The following PPP1R12A variants were observed in gnomAD, a reference collection of about 807,000 sequenced individuals.
PPP1R12A encodes the protein protein phosphatase 1 regulatory subunit 12A.
A neutral mutation model predicts 139.6 loss-of-function variants in PPP1R12A; 19 were observed. That is an observed-to-expected ratio of 0.14 (90% CI 0.09 to 0.20). The LOEUF (loss-of-function observed/expected upper bound fraction) is 0.20. Ranked by LOEUF, PPP1R12A falls within the 10% of genes least tolerant of loss-of-function variation. The probability of loss-of-function intolerance (pLI) is 1.00; values close to 1 mark genes in which losing one functional copy is unlikely to be tolerated. For missense variants in PPP1R12A, 925 were observed against 1,211.5 expected (o/e 0.76, Z 3.51); for synonymous variants, 427 against 420.6 (o/e 1.02, Z -0.19).
At chr12:79,883,943 C>T (rs946280746) in intron 1 of PPP1R12A, among the ~76,000 whole-genome samples, 1 of 152,036 alleles carries the variant, frequency 6.6e-6, no homozygotes, top group Non-Finnish European at 1.5e-5. Context: ...TCAGACACGT[C>T]CACTGGTTTT....
chr12:79,802,314 T>C (rs1256539250), intron 14 of PPP1R12A, among the ~76,000 whole-genome samples: 1 of 152,214 alleles, frequency 6.6e-6, no homozygotes, highest in East Asian at 1.9e-4. Context: ...TATAGAAAAG[T>C]GCTCCTAAGA....
intron 19 of PPP1R12A, among the ~76,000 whole-genome samples, chr12:79,791,359 G>A (rs966732588): frequency 6.6e-6 from 1 of 152,026 alleles, no homozygotes; most frequent in East Asian, 1.9e-4. Flanking sequence ...ATGAGGTGTC[G>A]CTCTGTTTCC....
At chr12:79,885,378 C>T (rs1884010758) in intron 1 of PPP1R12A, among the ~76,000 whole-genome samples, 1 of 152,112 alleles carries the variant, frequency 6.6e-6, no homozygotes, top group African/African-American at 2.4e-5. Flanking sequence ...GCTAATTCTT[C>T]CCCATTTAAA....
chr12:79,804,893 C>T (rs537151439), intron 14 of PPP1R12A, among the ~76,000 whole-genome samples: 4 of 152,100 alleles, frequency 2.6e-5, no homozygotes, highest in Non-Finnish European at 4.4e-5. Context: ...CAGTTTCCTT[C>T]GGTAAAGCAA....
chr12:79,896,567 A>C (rs1445977833), intron 1 of PPP1R12A, among the ~76,000 whole-genome samples: 1 of 152,150 alleles, frequency 6.6e-6, no homozygotes, highest in Non-Finnish European at 1.5e-5. Flanking sequence ...TCCTGGGCTT[A>C]AGTGATGCTC....
chr12:79,922,479 T>C (rs2136949379), intron 1 of PPP1R12A, among the ~76,000 whole-genome samples: 1 of 152,260 alleles, frequency 6.6e-6, no homozygotes, highest in Admixed American at 6.5e-5. Flanking sequence ...AAAGAAAATG[T>C]AGCACATACA....
chr12:79,879,012 T>C (rs1441622844), intron 1 of PPP1R12A, among the ~76,000 whole-genome samples: 2 of 152,234 alleles, frequency 1.3e-5, no homozygotes, highest in African/African-American at 2.4e-5. Context: ...TCAAAATGTC[T>C]ACAATGAATA....
intron 22 of PPP1R12A, among the ~76,000 whole-genome samples, chr12:79,783,127 T>C (rs1476728371): frequency 6.6e-6 from 1 of 151,988 alleles, no homozygotes; most frequent in Non-Finnish European, 1.5e-5. Flanking sequence ...TAAAAGTCAA[T>C]ATTCCAATTG....
intron 21 of PPP1R12A, 156 bp from the exon 22 acceptor site, chr12:79,786,634 C>T: frequency 2.0e-6 from 1 of 502,574 alleles, no homozygotes. Context: ...AAAGCAGAGA[C>T]TGTTCGTTAT....
At chr12:79,879,201 A>G (rs1883395293) in intron 1 of PPP1R12A, among the ~76,000 whole-genome samples, 1 of 151,984 alleles carries the variant, frequency 6.6e-6, no homozygotes, top group South Asian at 2.1e-4. Context: ...CCAACACGGC[A>G]AAACCCCGTC....
intron 10 of PPP1R12A, 43 bp downstream of exon 10, chr12:79,809,752 A>G (rs1196632649): frequency 6.8e-7 from 1 of 1,475,006 alleles, no homozygotes; most frequent in Non-Finnish European, 9.3e-7. Flanking sequence ...TGGAAAAGAA[A>G]TCATAACAGT....
At chr12:79,869,549 G>A (rs893072845) in intron 2 of PPP1R12A, among the ~76,000 whole-genome samples, 4 of 152,172 alleles carry the variant, frequency 2.6e-5, no homozygotes, top group African/African-American at 9.7e-5. Flanking sequence ...ACTGCATCTT[G>A]AGAGTCTGGT....
At chr12:79,846,353 T>A (rs541813510) in intron 2 of PPP1R12A, among the ~76,000 whole-genome samples, 15 of 152,316 alleles carry the variant, frequency 9.8e-5, no homozygotes, top group African/African-American at 3.6e-4. Context: ...ATCTATTTAA[T>A]CATGTCAACA....
intron 19 of PPP1R12A, among the ~76,000 whole-genome samples, chr12:79,791,516 C>G (rs1871854697): frequency 6.6e-6 from 1 of 152,110 alleles, no homozygotes; most frequent in Non-Finnish European, 1.5e-5. Context: ...ACTGTGGAGA[C>G]AGTGTCTCCC....
intron 1 of PPP1R12A, among the ~76,000 whole-genome samples, chr12:79,900,988 T>C (rs1885586545): frequency 6.6e-6 from 1 of 152,176 alleles, no homozygotes; most frequent in African/African-American, 2.4e-5. Flanking sequence ...TAGCAATCAA[T>C]GTCCCAGGTA....
At chr12:79,831,199 G>T (rs1415760977) in intron 4 of PPP1R12A, among the ~76,000 whole-genome samples, 2 of 151,836 alleles carry the variant, frequency 1.3e-5, no homozygotes, top group African/African-American at 4.8e-5. Flanking sequence ...GGATTAGAGA[G>T]AAACAGGTGG....
intron 9 of PPP1R12A, among the ~76,000 whole-genome samples, chr12:79,810,578 G>A (rs1874402755): frequency 2.0e-5 from 3 of 151,952 alleles, no homozygotes; most frequent in Non-Finnish European, 4.4e-5. Flanking sequence ...GAAAAGGGAA[G>A]TTATGAACAA....
At chr12:79,893,699 T>C (rs1399518011) in intron 1 of PPP1R12A, among the ~76,000 whole-genome samples, 1 of 152,226 alleles carries the variant, frequency 6.6e-6, no homozygotes, top group Non-Finnish European at 1.5e-5. Flanking sequence ...CAATTTTCTT[T>C]TGTTAAACAG....
chr12:79,927,087 G>A (rs957995736), intron 1 of PPP1R12A, among the ~76,000 whole-genome samples: 1 of 151,944 alleles, frequency 6.6e-6, no homozygotes, highest in African/African-American at 2.4e-5. Context: ...CAGCTGATCG[G>A]GAGGCTGAGG....
Sources: gnomAD v4.1 joint callset for allele counts (sites outside exome capture counted in the v4.1 genomes callset) on GRCh38, gnomAD v4.1.1 for gene constraint, MANE v1.5 for transcripts, NCBI Gene and HGNC (gene_info 2026-07-23, HGNC 2026-07-21) for gene names.